CSMD1: variants seen among roughly 807,000 people sequenced by gnomAD.
The protein encoded by CSMD1 is CUB and sushi domain-containing protein 1.
CSMD1 carries 213 observed loss-of-function variants against 417.5 expected under a neutral mutation model. That is an observed-to-expected ratio of 0.51 (90% CI 0.46 to 0.57). CSMD1 has a LOEUF of 0.57. Among genes scored for constraint, CSMD1 ranks in the 20% least tolerant of loss-of-function variants. The probability of loss-of-function intolerance (pLI) is 0.00; values close to 1 mark genes in which losing one functional copy is unlikely to be tolerated. For missense variants in CSMD1, 6,923 were observed against 4,529.7 expected, an observed-to-expected ratio of 1.53 and a Z score of -15.17; for synonymous variants, 2,862 against 1,736.8, an observed-to-expected ratio of 1.65 and a Z score of -16.11.
chr8:3,878,938 C>G (rs143901275), intron 5 of CSMD1, among the ~76,000 whole-genome samples: 1 of 152,112 alleles, frequency 6.6e-6, no homozygotes, highest in African/African-American at 2.4e-5. Flanking sequence ...CAGAAAATAA[C>G]TTTAATATAT....
At chr8:3,577,569 C>T (rs1030694413) in intron 9 of CSMD1, among the ~76,000 whole-genome samples, 1 of 152,130 alleles carries the variant, frequency 6.6e-6, no homozygotes, top group Non-Finnish European at 1.5e-5. Context: ...ATTTGTTTAA[C>T]TTTGCCAATT....
intron 3 of CSMD1, among the ~76,000 whole-genome samples, chr8:4,110,287 TTTTAA>T (rs1801782794): frequency 2.6e-5 from 4 of 152,256 alleles, no homozygotes; most frequent in Admixed American, 1.3e-4. Flanking sequence ...TGAGAAGCAA[TTTTAA>T]TTTATTTATC....
intron 37 of CSMD1, among the ~76,000 whole-genome samples, chr8:3,169,252 G>C (rs1383384687): frequency 6.6e-6 from 1 of 152,164 alleles, no homozygotes; most frequent in African/African-American, 2.4e-5. Flanking sequence ...GAAACCAGAG[G>C]AGACAAGTTT....
intron 26 of CSMD1, among the ~76,000 whole-genome samples, chr8:3,238,472 A>G (rs1035093080): frequency 6.6e-6 from 1 of 151,956 alleles, no homozygotes; most frequent in Admixed American, 6.6e-5. Context: ...GACGGCAAAA[A>G]TTTTTGGGGG....
At chr8:4,097,871 G>C (rs28526725) in intron 3 of CSMD1, among the ~76,000 whole-genome samples, 1 of 152,114 alleles carries the variant, frequency 6.6e-6, no homozygotes, top group African/African-American at 2.4e-5. Context: ...GTGTGACTAC[G>C]TCTATCCATG....
intron 3 of CSMD1, among the ~76,000 whole-genome samples, chr8:4,098,313 A>G (rs1311605928): frequency 6.6e-6 from 1 of 152,182 alleles, no homozygotes; most frequent in Non-Finnish European, 1.5e-5. Flanking sequence ...GAACTTCATA[A>G]AGTATCACAC....
intron 6 of CSMD1, 137 bp downstream of exon 6, chr8:3,753,793 C>T: frequency 1.8e-6 from 1 of 567,042 alleles, no homozygotes; most frequent in Non-Finnish European, 3.1e-6. Flanking sequence ...TATATGATTT[C>T]CAAAGATAAC....
chr8:3,584,438 T>A (rs56842832), intron 9 of CSMD1, among the ~76,000 whole-genome samples: 5,854 of 152,254 alleles, frequency 0.038, 309 homozygotes, highest in East Asian at 0.14. Context: ...CTTCTAATTA[T>A]CTCTAAGCGT....
chr8:3,024,361 A>C (rs1243658939), intron 51 of CSMD1, among the ~76,000 whole-genome samples: 2 of 151,686 alleles, frequency 1.3e-5, no homozygotes, highest in Non-Finnish European at 2.9e-5. Context: ...GCTAGATTGC[A>C]GTGATGGGAC....
chr8:3,677,425 C>G (rs761104158), intron 7 of CSMD1, among the ~76,000 whole-genome samples: 2 of 152,144 alleles, frequency 1.3e-5, no homozygotes, highest in African/African-American at 4.8e-5. Context: ...GGAAACAAAC[C>G]TGATCCCACA....
At chr8:3,049,984 C>A (rs1254205286) in intron 50 of CSMD1, among the ~76,000 whole-genome samples, 1 of 151,956 alleles carries the variant, frequency 6.6e-6, no homozygotes, top group East Asian at 1.9e-4. Flanking sequence ...ATAAAAATTA[C>A]ATTTTATAAA....
chr8:4,787,067 T>C (rs906907682), intron 1 of CSMD1, among the ~76,000 whole-genome samples: 1 of 152,310 alleles, frequency 6.6e-6, no homozygotes, highest in South Asian at 2.1e-4. Context: ...TAATTTCTAA[T>C]ATTAGATCTA....
chr8:3,487,695 T>C (rs1422543103), intron 11 of CSMD1, among the ~76,000 whole-genome samples: 1 of 152,174 alleles, frequency 6.6e-6, no homozygotes, highest in Non-Finnish European at 1.5e-5. Flanking sequence ...TACAAACACA[T>C]TGTCAAGAAG....
chr8:4,557,521 T>C (rs150337045), intron 2 of CSMD1, among the ~76,000 whole-genome samples: 55 of 151,634 alleles, frequency 3.6e-4, no homozygotes, highest in African/African-American at 1.3e-3. Context: ...AGTTGAGAAA[T>C]AAAATACATC....
intron 1 of CSMD1, among the ~76,000 whole-genome samples, chr8:4,641,876 G>A (rs187889162): frequency 8.2e-4 from 125 of 152,298 alleles, no homozygotes; most frequent in African/African-American, 2.7e-3. Flanking sequence ...GTATTAAGTA[G>A]CAATTGGAAA....
chr8:3,823,272 C>G (rs564144140), intron 5 of CSMD1, among the ~76,000 whole-genome samples: 1 of 152,244 alleles, frequency 6.6e-6, no homozygotes, highest in East Asian at 1.9e-4. Context: ...TTCAGTTTTG[C>G]CAGATAATGT....
intron 26 of CSMD1, among the ~76,000 whole-genome samples, chr8:3,232,336 T>C (rs75306650): frequency 0.013 from 1,917 of 152,326 alleles, 99 homozygotes; most frequent in Admixed American, 0.09. Context: ...GGAATACATA[T>C]TGCAAGTTCT....
intron 3 of CSMD1, among the ~76,000 whole-genome samples, chr8:4,210,584 C>G (rs992751469): frequency 2.0e-5 from 3 of 151,942 alleles, no homozygotes; most frequent in Non-Finnish European, 2.9e-5. Flanking sequence ...GACCAATTTT[C>G]TAAAATGTTT....
chr8:3,245,901 C>A (rs968355553), intron 26 of CSMD1, among the ~76,000 whole-genome samples: 1 of 152,182 alleles, frequency 6.6e-6, no homozygotes, highest in Non-Finnish European at 1.5e-5. Flanking sequence ...TTGCCAGTGA[C>A]ATGAATCGCA....
Sources: gnomAD v4.1 joint callset for allele counts (sites outside exome capture counted in the v4.1 genomes callset) on GRCh38, gnomAD v4.1.1 for gene constraint, MANE v1.5 for transcripts, NCBI Gene and HGNC (gene_info 2026-07-23, HGNC 2026-07-21) for gene names.